TMEM232: variants seen among roughly 807,000 people sequenced by gnomAD.
The protein encoded by TMEM232 is transmembrane protein 232.
A neutral mutation model predicts 78.8 loss-of-function variants in TMEM232; 80 were observed. The observed-to-expected ratio is 1.01, with a 90% CI of 0.85 to 1.22. The LOEUF (loss-of-function observed/expected upper bound fraction) is 1.22. Ranked by LOEUF, TMEM232 falls within the 50% of genes most tolerant of loss-of-function variation. The pLI is 0.00. For missense variants in TMEM232, 881 were observed against 742.2 expected (o/e 1.19, Z -2.17); for synonymous variants, 297 against 254.3 (o/e 1.17, Z -1.60).
chr5:110,702,438 A>G (rs1389504452), intron 1 of TMEM232, among the ~76,000 whole-genome samples: 2 of 151,948 alleles, frequency 1.3e-5, no homozygotes, highest in African/African-American at 4.8e-5. Flanking sequence ...TGTTGACTTT[A>G]TATGTATCTC....
chr5:110,706,237 A>G (rs1232679045), intron 1 of TMEM232, among the ~76,000 whole-genome samples: 1 of 152,188 alleles, frequency 6.6e-6, no homozygotes, highest in Admixed American at 6.6e-5. Flanking sequence ...ATTTTGAGGT[A>G]CAAATACAAA....
intron 2 of TMEM232, among the ~76,000 whole-genome samples, chr5:110,651,613 G>A (rs550480237): frequency 1.7e-3 from 257 of 152,206 alleles, no homozygotes; most frequent in African/African-American, 5.8e-3. Flanking sequence ...ATATTACAGG[G>A]TTAAAATTAG....
intron 12 of TMEM232, among the ~76,000 whole-genome samples, chr5:110,428,007 TTTAG>T: frequency 6.6e-6 from 1 of 152,012 alleles, no homozygotes; most frequent in East Asian, 1.9e-4. Flanking sequence ...ATTATACTTT[TTTAG>T]TTATTTTAAA....
chr5:110,563,562 C>T (rs75771726), intron 11 of TMEM232, among the ~76,000 whole-genome samples: 31 of 151,774 alleles, frequency 2.0e-4, no homozygotes, highest in African/African-American at 5.5e-4. Context: ...GGTGACTATA[C>T]GCCATTTTCT....
chr5:110,539,858 C>T (rs982202929), intron 11 of TMEM232, among the ~76,000 whole-genome samples: 2 of 152,168 alleles, frequency 1.3e-5, no homozygotes, highest in Non-Finnish European at 2.9e-5. Flanking sequence ...TGTCTTAACA[C>T]CCAGAGCCTG....
intron 1 of TMEM232, among the ~76,000 whole-genome samples, chr5:110,692,418 G>A (rs922546743): frequency 7.2e-5 from 11 of 152,184 alleles, no homozygotes; most frequent in African/African-American, 2.2e-4. Context: ...CTGAGGTACC[G>A]GGTTCATCTC....
intron 5 of TMEM232, among the ~76,000 whole-genome samples, chr5:110,635,675 C>G (rs899056792): frequency 4.0e-5 from 6 of 151,670 alleles, no homozygotes; most frequent in African/African-American, 1.5e-4. Flanking sequence ...AGGAACATGC[C>G]TCAAAATAAT....
intron 7 of TMEM232, among the ~76,000 whole-genome samples, chr5:110,621,386 T>C (rs1006519287): frequency 6.6e-6 from 1 of 152,078 alleles, no homozygotes; most frequent in Non-Finnish European, 1.5e-5. Flanking sequence ...TAACTGCCAT[T>C]TGCAAACTGT....
At chr5:110,657,040 T>C (rs1789175708) in intron 2 of TMEM232, among the ~76,000 whole-genome samples, 1 of 152,152 alleles carries the variant, frequency 6.6e-6, no homozygotes, top group Non-Finnish European at 1.5e-5. Flanking sequence ...TCACTTTCAA[T>C]ATTTATCATT....
rs115979072 is a variant in TMEM232, at chr5:110,432,316, T to C, written c.1704-7400A>G. ...AGAAGCCTTACAAACCAGAAGATAT[T>C]GGGGGCCCACATTTAGCATTCTGAA... On this transcript the variant is annotated intron_variant, in intron 12 of 13. Transcript: ENST00000455884. 9.4e-3 allele frequency among the ~76,000 whole-genome samples: 1,427 copies of C among 151,722 alleles called. 21 individuals carry two copies. Among genetic ancestry groups the C allele is most frequent in the African/African-American group, 0.033 (1,352 of 41,418 alleles).
chr5:110,607,101 C>T (rs1271379744), intron 8 of TMEM232, among the ~76,000 whole-genome samples: 3 of 151,966 alleles, frequency 2.0e-5, no homozygotes, highest in Non-Finnish European at 4.4e-5. Context: ...TTTTCTAAAT[C>T]AGACCATTCT....
intron 11 of TMEM232, among the ~76,000 whole-genome samples, chr5:110,537,046 C>A (rs1772455534): frequency 6.6e-6 from 1 of 152,052 alleles, no homozygotes; most frequent in Non-Finnish European, 1.5e-5. Flanking sequence ...CCTGGGGACT[C>A]CAGTCAGGAC....
chr5:110,425,863 G>A (rs1163046750), intron 12 of TMEM232, among the ~76,000 whole-genome samples: 1 of 152,170 alleles, frequency 6.6e-6, no homozygotes, highest in Admixed American at 6.6e-5. Context: ...AGTAGATCAT[G>A]TCAATCTCCT....
At chr5:110,599,245 T>C (rs10045045) in intron 10 of TMEM232, among the ~76,000 whole-genome samples, 11,448 of 152,030 alleles carry the variant, frequency 0.075, 546 homozygotes, top group South Asian at 0.2. Flanking sequence ...AATGACACTA[T>C]GAAGAAACTG....
intron 11 of TMEM232, among the ~76,000 whole-genome samples, chr5:110,535,507 C>T (rs543069611): frequency 3.3e-5 from 5 of 151,954 alleles, no homozygotes; most frequent in Admixed American, 2.0e-4. Flanking sequence ...CACATGGACG[C>T]GCATGAAGTG....
intron 8 of TMEM232, among the ~76,000 whole-genome samples, chr5:110,607,489 T>A (rs529446299): frequency 6.6e-6 from 1 of 152,162 alleles, no homozygotes; most frequent in East Asian, 1.9e-4. Flanking sequence ...AATGGCAATA[T>A]GCTCAATTAA....
intron 1 of TMEM232, among the ~76,000 whole-genome samples, chr5:110,678,174 C>G (rs910161681): frequency 2.0e-5 from 3 of 152,116 alleles, no homozygotes; most frequent in African/African-American, 7.2e-5. Context: ...AAGCAATTCT[C>G]CTGCCTGAGC....
At position 110,519,205 on chromosome 5, in the gene TMEM232, A is replaced by C. The variant is rs144883228; in HGVS notation, c.1703+9383T>G. 2.5e-3 allele frequency among the ~76,000 whole-genome samples: 385 copies of C among 152,318 alleles called. 2 individuals carry two copies. The highest frequency in any genetic ancestry group is 8.6e-3 in the African/African-American group (356 of 41,582). Reference sequence around the variant, plus strand: ...GAAAGATCTAAATAGACTGATATTCAGGATTGATATTCTAGATGATTTTAA... The same window carrying C: ...GAAAGATCTAAATAGACTGATATTCCGGATTGATATTCTAGATGATTTTAA... On this transcript the variant is annotated intron_variant, in intron 12 of 13. Transcript: ENST00000455884.
intron 11 of TMEM232, among the ~76,000 whole-genome samples, chr5:110,538,934 C>A (rs533029418): frequency 4.6e-5 from 7 of 152,266 alleles, no homozygotes; most frequent in African/African-American, 1.7e-4. Context: ...ATTCTTTACT[C>A]CTCCTTTGAT....
Sources: gnomAD v4.1 joint callset for allele counts (sites outside exome capture counted in the v4.1 genomes callset) on GRCh38, gnomAD v4.1.1 for gene constraint, MANE v1.5 for transcripts, NCBI Gene and HGNC (gene_info 2026-07-23, HGNC 2026-07-21) for gene names.